The following SPART variants were observed in gnomAD, a reference collection of about 807,000 sequenced individuals.
SPART encodes spastic paraplegia 20 (Troyer syndrome).
SPART carries 35 observed loss-of-function variants against 58.7 expected under a neutral mutation model. That is an observed-to-expected ratio of 0.60 (90% CI 0.46 to 0.79). SPART has a LOEUF of 0.79. Ranked by LOEUF, SPART falls within the 30% of genes least tolerant of loss-of-function variation. SPART has a pLI of 0.00. For missense variants in SPART, 730 were observed against 786.1 expected (o/e 0.93, Z 0.85); for synonymous variants, 284 against 280.7 (o/e 1.01, Z -0.12).
intron 1 of SPART, among the ~76,000 whole-genome samples, chr13:36,344,442 C>G (rs1450589440): frequency 6.6e-6 from 1 of 151,978 alleles, no homozygotes; most frequent in African/African-American, 2.4e-5. Context: ...ACCTTCCTTG[C>G]TACATCTCCA....
At chr13:36,332,889 A>G (rs1424575803) in intron 2 of SPART, among the ~76,000 whole-genome samples, 1 of 152,246 alleles carries the variant, frequency 6.6e-6, no homozygotes, top group Non-Finnish European at 1.5e-5. Context: ...TTCAGTTATT[A>G]TTAAGATAAA....
intron 1 of SPART, among the ~76,000 whole-genome samples, chr13:36,336,539 TAA>T (rs1357116554): frequency 6.6e-6 from 1 of 152,144 alleles, no homozygotes; most frequent in Non-Finnish European, 1.5e-5. Context: ...GGCTAAAATT[TAA>T]AAGACTGATT....
intron 1 of SPART, among the ~76,000 whole-genome samples, chr13:36,339,910 C>T (rs1884412625): frequency 1.3e-5 from 2 of 151,636 alleles, no homozygotes; most frequent in African/African-American, 2.4e-5. Flanking sequence ...ACAAAGAAAA[C>T]ATCAAAAAAT....
intron 1 of SPART, among the ~76,000 whole-genome samples, chr13:36,359,939 A>AAAAAAC (rs1555266135): frequency 6.7e-6 from 1 of 150,060 alleles, no homozygotes; most frequent in African/African-American, 2.4e-5. Flanking sequence ...AAAAAAAAAA[A>AAAAAAC]AAACACCTCT....
At chr13:36,362,278 G>C (rs924937259) in intron 1 of SPART, among the ~76,000 whole-genome samples, 4 of 151,598 alleles carry the variant, frequency 2.6e-5, no homozygotes, top group Non-Finnish European at 5.9e-5. Context: ...TTGACCCCCA[G>C]GAGGTGGAGG....
upstream of SPART, among the ~76,000 whole-genome samples, chr13:36,348,222 G>A (rs980374612): frequency 7.2e-5 from 11 of 152,114 alleles, no homozygotes; most frequent in African/African-American, 2.7e-4. Flanking sequence ...GGAGGCAGAG[G>A]CAGCAGTGAC....
intron 5 of SPART, among the ~76,000 whole-genome samples, chr13:36,322,600 C>T (rs756485354): frequency 1.2e-4 from 19 of 152,174 alleles, no homozygotes; most frequent in Non-Finnish European, 2.2e-4. Context: ...GTTTAAAACA[C>T]TGATCACTGA....
intron 1 of SPART, among the ~76,000 whole-genome samples, chr13:36,352,657 G>T (rs942285723): frequency 6.6e-6 from 1 of 152,042 alleles, no homozygotes; most frequent in African/African-American, 2.4e-5. Flanking sequence ...AGTGAAAACT[G>T]AGAAGAGGCC....
rs1016365811 is a variant in SPART at position 36,331,270 on chromosome 13, CACAA to C, written c.1008+125_1008+128del. ...AATTCCAAGCATGTAGTTGTGAACA[CACAA>C]ACAAATGGTGAACTGTCAGTCTCCT... On this transcript the variant is annotated intron_variant, in intron 3 of 8. Transcript: ENST00000438666. 1.1e-5 allele frequency: 9 copies of C among 846,168 alleles called. No individual in the cohort carries two copies. The African/African-American group carries it at 1.3e-4, about 12-fold the overall frequency. The allele number at this position is 846,168 out of a possible 1,614,324, so 52.4% of individuals were successfully genotyped here. A position where few individuals can be genotyped will look rare whatever the true frequency, so the allele number is the denominator to read the frequency against.
At chr13:36,330,737 T>C (rs1883383494) in intron 3 of SPART, among the ~76,000 whole-genome samples, 1 of 152,232 alleles carries the variant, frequency 6.6e-6, no homozygotes, top group African/African-American at 2.4e-5. Flanking sequence ...CAGGTACGCA[T>C]GTGGGCAGAG....
chr13:36,341,509 C>A (rs764045658), intron 1 of SPART, among the ~76,000 whole-genome samples: 1 of 152,148 alleles, frequency 6.6e-6, no homozygotes, highest in Non-Finnish European at 1.5e-5. Flanking sequence ...TTCCAACTAA[C>A]CCCATTGCAA....
intron 2 of SPART, among the ~76,000 whole-genome samples, chr13:36,333,284 A>G (rs1479431528): frequency 6.6e-6 from 1 of 152,166 alleles, no homozygotes; most frequent in East Asian, 1.9e-4. Context: ...TAAAACCAAA[A>G]GAAAAATCTT....
chr13:36,304,062 G>T lies in SPART; in HGVS notation c.*303C>A. The T allele has an allele frequency of 2.6e-6, 1 of 382,276 alleles. No individual in the cohort carries two copies. The highest frequency in any genetic ancestry group is 4.7e-6 in the Non-Finnish European group (1 of 210,652). 23.7% of individuals were successfully genotyped at this position (382,276 alleles called of 1,614,324 possible). A position where few individuals can be genotyped will look rare whatever the true frequency, so the allele number is the denominator to read the frequency against. On this transcript the variant is annotated 3_prime_UTR_variant, in exon 9 of 9. Coordinates refer to ENST00000438666, the MANE Select transcript of SPART (RefSeq NM_015087.5). Reference sequence around the variant, plus strand: ...CAGATATAAAAATAGTTCAATATTAGGTTTAACAAGGTTTGAACAACACAT... The same window carrying T: ...CAGATATAAAAATAGTTCAATATTATGTTTAACAAGGTTTGAACAACACAT...
chr13:36,334,838 T>A (rs886729413), intron 2 of SPART, among the ~76,000 whole-genome samples, 183 bp downstream of exon 2: 5 of 152,178 alleles, frequency 3.3e-5, no homozygotes, highest in Non-Finnish European at 2.9e-5. Context: ...ATATCTTTTT[T>A]AAAAAAAGAA....
At chr13:36,359,938 A>AC (rs1415110098) in intron 1 of SPART, among the ~76,000 whole-genome samples, 7 of 151,376 alleles carry the variant, frequency 4.6e-5, no homozygotes, top group Non-Finnish European at 1.0e-4. Flanking sequence ...AAAAAAAAAA[A>AC]AAAACACCTC....
At chr13:36,341,486 A>C (rs1884584656) in intron 1 of SPART, among the ~76,000 whole-genome samples, 1 of 152,172 alleles carries the variant, frequency 6.6e-6, no homozygotes, top group Admixed American at 6.5e-5. Flanking sequence ...TTTACACTGA[A>C]AAGATAGTTC....
chr13:36,312,947 T>C (rs763525896), intron 6 of SPART, among the ~76,000 whole-genome samples: 1 of 151,998 alleles, frequency 6.6e-6, no homozygotes, highest in Non-Finnish European at 1.5e-5. Context: ...TACTGATAAA[T>C]ATCTCAGTTA....
Position 36,335,051 on chromosome 13 carries a change from C to A in SPART, c.780G>T (p.Thr260=), listed in dbSNP as rs762246535. The change falls in exon 2 of 9, where the codon ACG becomes ACT. Residue 260 remains threonine (T), a synonymous_variant. Transcript: ENST00000438666. ...IVRFLDNSLD[T]VLNRPPGFLQ... is the part of the protein sequence containing the mutation. The stretch of plus-strand genomic sequence containing the variant: ...GAAACCCGGGAGGACGGTTTAGAAC[C>A]GTATCGAGAGAATTATCCAAAAACC... 6.2e-7 allele frequency: 1 copy of A among 1,613,976 alleles called. No homozygotes were observed. Among genetic ancestry groups the A allele is most frequent in the Non-Finnish European group, 8.5e-7 (1 of 1,179,962 alleles).
intron 5 of SPART, among the ~76,000 whole-genome samples, chr13:36,319,324 C>A (rs9575910): frequency 2.7e-5 from 4 of 147,752 alleles, no homozygotes; most frequent in South Asian, 2.2e-4. Context: ...TGTATCCCCC[C>A]ACCTTAACCC....
Sources: allele counts gnomAD v4.1 joint callset (sites outside exome capture counted in the v4.1 genomes callset), GRCh38; gene constraint gnomAD v4.1.1; transcripts MANE v1.5; gene names NCBI Gene and HGNC (gene_info 2026-07-23, HGNC 2026-07-21).